ZNF131: variants seen among roughly 807,000 people sequenced by gnomAD.
ZNF131 encodes the protein zinc finger protein 131.
ZNF131 carries 7 observed loss-of-function variants against 60.0 expected under a neutral mutation model. That is an observed-to-expected ratio of 0.12 (90% CI 0.07 to 0.22). The LOEUF (loss-of-function observed/expected upper bound fraction) is 0.22. Ranked by LOEUF, ZNF131 falls within the 10% of genes least tolerant of loss-of-function variation. ZNF131 has a pLI of 1.00. For synonymous variants in ZNF131, 257 were observed against 253.2 expected (o/e 1.01, Z -0.14); for missense variants, 493 against 740.9 (o/e 0.67, Z 3.88).
At chr5:43,158,247 C>T (rs530678444) in intron 4 of ZNF131, among the ~76,000 whole-genome samples, 14 of 151,964 alleles carry the variant, frequency 9.2e-5, no homozygotes, top group African/African-American at 3.1e-4. Context: ...GGATTACAGG[C>T]GTGAGCCACT....
intron 3 of ZNF131, among the ~76,000 whole-genome samples, chr5:43,137,630 G>A (rs1290661839): frequency 6.6e-6 from 1 of 151,552 alleles, no homozygotes; most frequent in Non-Finnish European, 1.5e-5. Context: ...TGGAATCCTT[G>A]CACAATGTTG....
intron 3 of ZNF131, among the ~76,000 whole-genome samples, chr5:43,135,149 C>T (rs914898833): frequency 2.6e-5 from 4 of 151,796 alleles, no homozygotes; most frequent in African/African-American, 9.7e-5. Context: ...CAGGCATGCA[C>T]CACCACGCCT....
chr5:43,149,174 G>A (rs1747988859), intron 4 of ZNF131, among the ~76,000 whole-genome samples: 2 of 152,114 alleles, frequency 1.3e-5, no homozygotes, highest in Admixed American at 6.6e-5. Flanking sequence ...GGGAGGCTGA[G>A]GGGGGAGAAT....
rs974367766 is a variant in ZNF131 at position 43,161,792 on chromosome 5, G to A, written c.915G>A (p.Gln305=). Residue 305 remains glutamine, a synonymous_variant, in exon 5 of 7, where the codon CAG becomes CAA. Transcript: ENST00000682664. Reference sequence around the variant, plus strand: ...ATCTTCGAGAGAGCGCATGGAAACAGCACCTAAATTGTTACCACCTTGAAG... The same window carrying A: ...ATCTTCGAGAGAGCGCATGGAAACAACACCTAAATTGTTACCACCTTGAAG... ...KRYLRESAWK[Q]HLNCYHLEEG... 1.2e-6 allele frequency: 2 copies of A among 1,614,214 alleles called. No homozygotes were observed. Among genetic ancestry groups the A allele is most frequent in the African/African-American group, 1.3e-5 (1 of 75,054 alleles).
chr5:43,128,654 C>CT (rs1318117875), intron 3 of ZNF131, among the ~76,000 whole-genome samples: 3 of 56,916 alleles, frequency 5.3e-5, no homozygotes, highest in African/African-American at 1.7e-4. Flanking sequence ...GAGACTCCAT[C>CT]TCAAAAAAAA....
chr5:43,127,065 A>T (rs1000450856), intron 3 of ZNF131, among the ~76,000 whole-genome samples: 1 of 152,056 alleles, frequency 6.6e-6, no homozygotes, highest in Admixed American at 6.6e-5. Flanking sequence ...GCTTGCTTCA[A>T]ATTACTTTTC....
At chr5:43,133,489 A>G (rs1340250537) in intron 3 of ZNF131, among the ~76,000 whole-genome samples, 3 of 152,122 alleles carry the variant, frequency 2.0e-5, no homozygotes, top group African/African-American at 7.2e-5. Flanking sequence ...AAAGAAGGTG[A>G]CTTTAGTATT....
intron 4 of ZNF131, among the ~76,000 whole-genome samples, chr5:43,148,631 A>G (rs1747916786): frequency 6.6e-6 from 1 of 152,262 alleles, no homozygotes; most frequent in Non-Finnish European, 1.5e-5. Context: ...ATGTTTTAAT[A>G]AAACGTTGAC....
At chr5:43,125,725 G>T (rs72748885) in intron 3 of ZNF131, among the ~76,000 whole-genome samples, 14,697 of 151,738 alleles carry the variant, frequency 0.097, 838 homozygotes, top group East Asian at 0.19. Context: ...AGGTTGTAGC[G>T]AGCTGAGTCA....
intron 3 of ZNF131, among the ~76,000 whole-genome samples, chr5:43,127,394 T>C (rs1363631597): frequency 6.6e-6 from 1 of 152,242 alleles, no homozygotes; most frequent in African/African-American, 2.4e-5. Context: ...GACCACTACA[T>C]GGGGATCATT....
chr5:43,122,669 T>C (rs1744020463), intron 2 of ZNF131, among the ~76,000 whole-genome samples: 1 of 152,204 alleles, frequency 6.6e-6, no homozygotes. Flanking sequence ...GAGTTGCCTC[T>C]ATAATGGAAG....
Position 43,162,189 on chromosome 5 carries a change from A to G in ZNF131, c.1054+258A>G, listed in dbSNP as rs36122541. On this transcript the variant is annotated intron_variant, in intron 5 of 6. Coordinates refer to ENST00000682664, the MANE Select transcript of ZNF131 (RefSeq NM_001330707.2). ...TATTTTTCAAAGAAATAGAGAAAAT[A>G]GTTTGTGACTTATTTCCTAAAGATC... Among the ~76,000 whole-genome samples, 14,772 of 152,306 alleles carry G rather than the reference A, an allele frequency of 0.097. 851 individuals carry two copies. The highest frequency in any genetic ancestry group is 0.19 in the East Asian group (968 of 5,180).
At chr5:43,156,087 AC>A (rs1278450096) in intron 4 of ZNF131, among the ~76,000 whole-genome samples, 2 of 152,198 alleles carry the variant, frequency 1.3e-5, no homozygotes, top group African/African-American at 4.8e-5. Context: ...TCCCTCTGGT[AC>A]TTATGGGATG....
chr5:43,164,219 T>C (rs1263196044), intron 5 of ZNF131, among the ~76,000 whole-genome samples: 3 of 152,206 alleles, frequency 2.0e-5, no homozygotes, highest in African/African-American at 7.2e-5. Flanking sequence ...ATTCCCAGGA[T>C]GCAAAACCCA....
intron 3 of ZNF131, among the ~76,000 whole-genome samples, chr5:43,129,924 G>A (rs1004746442): frequency 1.3e-5 from 2 of 151,376 alleles, no homozygotes; most frequent in African/African-American, 4.8e-5. Flanking sequence ...CCAAAGTGCT[G>A]GGATTAGAGG....
intron 3 of ZNF131, among the ~76,000 whole-genome samples, chr5:43,133,159 A>G (rs1054491967): frequency 5.3e-5 from 8 of 152,204 alleles, no homozygotes; most frequent in African/African-American, 1.7e-4. Context: ...TCAATGATAA[A>G]TGCATAATTT....
Position 43,175,771 on chromosome 5 carries a change from T to C in ZNF131, c.*638T>C, listed in dbSNP as rs72752507. On this transcript the variant is annotated 3_prime_UTR_variant, in exon 7 of 7. Coordinates refer to ENST00000682664, the MANE Select transcript of ZNF131 (RefSeq NM_001330707.2). ...GTGCCTTCTCAAAACCAACTGAACT[T>C]CTATAAAGCATCTCTGGTTCTTTCA... 43,817 of 261,378 alleles carry C rather than the reference T, an allele frequency of 0.17. 4,833 individuals are homozygous for C. The highest frequency in any genetic ancestry group is 0.28 in the Middle Eastern group (204 of 732). 16.2% of individuals were successfully genotyped at this position (261,378 alleles called of 1,614,324 possible).
At chr5:43,157,471 T>C (rs1690437991) in intron 4 of ZNF131, among the ~76,000 whole-genome samples, 1 of 152,158 alleles carries the variant, frequency 6.6e-6, no homozygotes, top group South Asian at 2.1e-4. Context: ...GTATGGTTGT[T>C]AACCATGGGG....
rs534259199 is a variant in ZNF131, at chr5:43,123,597, T to C, written c.226+287T>C. Reference sequence around the variant, plus strand: ...TTTCCATTGTGGAAACTGGTGGTCATTGTTTTTTGAAAACAAGTATTAAAC... The same window carrying C: ...TTTCCATTGTGGAAACTGGTGGTCACTGTTTTTTGAAAACAAGTATTAAAC... On this transcript the variant is annotated intron_variant, in intron 3 of 6. Transcript: ENST00000682664. 436 of 265,126 alleles carry C rather than the reference T, an allele frequency of 1.6e-3. 4 individuals are homozygous for C. Among genetic ancestry groups the C allele is most frequent in the Middle Eastern group, 3.8e-3 (3 of 782 alleles). 16.4% of individuals were successfully genotyped at this position (265,126 alleles called of 1,614,324 possible). A position where few individuals can be genotyped will look rare whatever the true frequency, so the allele number is the denominator to read the frequency against.
Sources: allele counts gnomAD v4.1 joint callset (sites outside exome capture counted in the v4.1 genomes callset), GRCh38; gene constraint gnomAD v4.1.1; transcripts MANE v1.5; gene names NCBI Gene and HGNC (gene_info 2026-07-23, HGNC 2026-07-21).